Variants in FAM168B observed in about 807,000 individuals in gnomAD.
FAM168B encodes the protein myelin-associated neurite-outgrowth inhibitor.
Under a neutral mutation model 21.8 loss-of-function variants are expected in FAM168B, and 19 were observed. That is an observed-to-expected ratio of 0.87 (90% confidence interval 0.61 to 1.28). The LOEUF is 1.28. Among genes scored for constraint, FAM168B ranks in the 50% most tolerant of loss-of-function variants. The pLI, the probability that FAM168B is intolerant of heterozygous loss-of-function variation, is 0.00. For missense variants in FAM168B, 233 were observed against 263.1 expected (o/e 0.89, Z 0.79); for synonymous variants, 126 against 104.8 (o/e 1.20, Z -1.24).
chr2:131,081,991 G>A (rs867097877), intron 2 of FAM168B, among the ~76,000 whole-genome samples: 5 of 152,244 alleles, frequency 3.3e-5, no homozygotes, highest in East Asian at 1.9e-4. Flanking sequence ...CAAAGTCACC[G>A]AAGGGAACAA....
chr2:131,093,022 G>C (rs1694115339), intron 1 of FAM168B, among the ~76,000 whole-genome samples, 192 bp downstream of exon 1: 1 of 151,494 alleles, frequency 6.6e-6, no homozygotes, highest in Admixed American at 6.6e-5. Context: ...ACCTGCACGC[G>C]TACGTGTCCG....
chr2:131,056,325 TAA>T (rs1158508566), intron 3 of FAM168B, among the ~76,000 whole-genome samples: 4 of 152,046 alleles, frequency 2.6e-5, no homozygotes, highest in African/African-American at 9.6e-5. Flanking sequence ...AAAAAAGACA[TAA>T]AACTCACCAA....
intron 2 of FAM168B, among the ~76,000 whole-genome samples, chr2:131,072,528 G>A (rs1352783640): frequency 6.6e-5 from 10 of 151,436 alleles, no homozygotes; most frequent in Non-Finnish European, 8.8e-5. Context: ...GTGCAGTGGC[G>A]CGACCTCGGC....
At chr2:131,058,578 G>A (rs1038817971) in intron 3 of FAM168B, among the ~76,000 whole-genome samples, 2 of 152,116 alleles carry the variant, frequency 1.3e-5, no homozygotes, top group East Asian at 3.8e-4. Flanking sequence ...TTTGAAATTC[G>A]CTCACCGCTA....
At chr2:131,091,140 C>T (rs1693998743) in intron 1 of FAM168B, among the ~76,000 whole-genome samples, 1 of 152,082 alleles carries the variant, frequency 6.6e-6, no homozygotes, top group Non-Finnish European at 1.5e-5. Context: ...TCGAGACCAG[C>T]CTGGCCAACA....
At chr2:131,080,533 G>A (rs756717191) in intron 2 of FAM168B, among the ~76,000 whole-genome samples, 43 of 150,784 alleles carry the variant, frequency 2.9e-4, no homozygotes, top group Non-Finnish European at 5.6e-4. Context: ...CTGGAGAATC[G>A]CTTGAACCCG....
intron 1 of FAM168B, among the ~76,000 whole-genome samples, chr2:131,087,051 G>GCA: frequency 1.6e-5 from 1 of 62,084 alleles, no homozygotes; most frequent in East Asian, 4.5e-4. Context: ...GGGCGACAGC[G>GCA]AGACTCCGTC....
chr2:131,068,029 A>G (rs1352462595), intron 3 of FAM168B, among the ~76,000 whole-genome samples: 1 of 152,066 alleles, frequency 6.6e-6, no homozygotes, highest in Non-Finnish European at 1.5e-5. Context: ...AAACCACAAG[A>G]CCCCCATCTC....
intron 1 of FAM168B, among the ~76,000 whole-genome samples, chr2:131,082,866 C>A (rs530753055): frequency 6.6e-6 from 1 of 152,236 alleles, no homozygotes; most frequent in Admixed American, 6.5e-5. Flanking sequence ...CTTTTTTTCA[C>A]AATTCTCCTC....
At chr2:131,065,919 A>T (rs997682672) in intron 3 of FAM168B, among the ~76,000 whole-genome samples, 1 of 152,180 alleles carries the variant, frequency 6.6e-6, no homozygotes, top group Non-Finnish European at 1.5e-5. Flanking sequence ...TAAACAGTTT[A>T]ATTAAACCAT....
intron 2 of FAM168B, among the ~76,000 whole-genome samples, chr2:131,077,591 T>G (rs751827209): frequency 9.2e-5 from 14 of 152,188 alleles, no homozygotes; most frequent in Non-Finnish European, 1.6e-4. Context: ...AAAGGAGAAA[T>G]TAGGATCTAC....
intron 1 of FAM168B, among the ~76,000 whole-genome samples, chr2:131,085,379 ACAGTTG>A (rs370684611): frequency 6.3e-4 from 96 of 152,326 alleles, no homozygotes; most frequent in African/African-American, 2.3e-3. Context: ...CAAGCAGGGA[ACAGTTG>A]CACTTGGTTC....
chr2:131,074,882 A>C (rs1204089558), intron 2 of FAM168B, among the ~76,000 whole-genome samples: 1 of 152,112 alleles, frequency 6.6e-6, no homozygotes, highest in Non-Finnish European at 1.5e-5. Context: ...TTTCTGTGGG[A>C]ACAGGAGGCA....
rs1282798755 is a variant in FAM168B, at chr2:131,050,997, G to A, written c.*1468C>T. 1 of 985,384 alleles carries A rather than the reference G, an allele frequency of 1.0e-6. No homozygotes were observed. The highest frequency in any genetic ancestry group is 1.2e-6 in the Non-Finnish European group (1 of 829,980). The allele number at this position is 985,384 out of a possible 1,614,324, so 61.0% of individuals were successfully genotyped here. On this transcript the variant is annotated 3_prime_UTR_variant, in exon 7 of 7. Coordinates refer to ENST00000389915, the MANE Select transcript of FAM168B (RefSeq NM_001009993.4). ...AGGACGGGCATATTTTGGGGGCGGG[G>A]TGGAGGGAAGCCTTTTCATTTCTTA...
intron 1 of FAM168B, among the ~76,000 whole-genome samples, chr2:131,092,130 G>A (rs1694064998): frequency 1.3e-5 from 2 of 150,996 alleles, no homozygotes; most frequent in South Asian, 4.2e-4. Flanking sequence ...GGAAACAGAG[G>A]GAGACTCCGT....
chr2:131,064,253 AC>A (rs945645861), intron 3 of FAM168B, among the ~76,000 whole-genome samples: 23 of 152,218 alleles, frequency 1.5e-4, no homozygotes, highest in Admixed American at 1.3e-3. Context: ...TTTCAAAAGT[AC>A]TGTGTACCAC....
chr2:131,090,040 G>C (rs1263026922), intron 1 of FAM168B, among the ~76,000 whole-genome samples: 1 of 125,212 alleles, frequency 8.0e-6, no homozygotes, highest in Non-Finnish European at 1.7e-5. Flanking sequence ...AAAAAAAGAG[G>C]CCGGCGCAGT....
At chr2:131,072,603 C>T (rs1558974078) in intron 2 of FAM168B, among the ~76,000 whole-genome samples, 1 of 152,014 alleles carries the variant, frequency 6.6e-6, no homozygotes, top group Non-Finnish European at 1.5e-5. Flanking sequence ...GGATTACAGG[C>T]ATCTACCACC....
intron 1 of FAM168B, among the ~76,000 whole-genome samples, chr2:131,090,151 CAAAAAAAA>C (rs59428455): frequency 2.5e-5 from 3 of 119,154 alleles, no homozygotes; most frequent in East Asian, 2.4e-4. Flanking sequence ...ACCAAAAATA[CAAAAAAAA>C]AAAAAAAAAA....
Sources: gnomAD v4.1 joint callset for allele counts (sites outside exome capture counted in the v4.1 genomes callset) on GRCh38, gnomAD v4.1.1 for gene constraint, MANE v1.5 for transcripts, NCBI Gene and HGNC (gene_info 2026-07-23, HGNC 2026-07-21) for gene names.